Variants in TMPRSS15 observed in about 807,000 individuals in gnomAD.
TMPRSS15 encodes enteropeptidase.
Under a neutral mutation model 125.3 loss-of-function variants are expected in TMPRSS15, and 128 were observed. The observed-to-expected ratio is 1.02, with a 90% CI of 0.89 to 1.18. TMPRSS15 has a LOEUF of 1.18. Ranked by LOEUF, TMPRSS15 falls within the 50% of genes most tolerant of loss-of-function variation. The pLI is 0.00. For missense variants in TMPRSS15, 1,283 were observed against 1,212.7 expected (o/e 1.06, Z -0.86); for synonymous variants, 446 against 423.2 (o/e 1.05, Z -0.66).
intron 1 of TMPRSS15, among the ~76,000 whole-genome samples, chr21:18,461,110 A>G (rs1200884002): frequency 6.6e-6 from 1 of 152,118 alleles, no homozygotes; most frequent in East Asian, 1.9e-4. Context: ...ATCGACCATC[A>G]GGTTTCCTGA....
At chr21:18,474,678 G>T (rs942100489) in intron 1 of TMPRSS15, among the ~76,000 whole-genome samples, 1 of 152,192 alleles carries the variant, frequency 6.6e-6, no homozygotes, top group Non-Finnish European at 1.5e-5. Flanking sequence ...AAAGAAGCTA[G>T]TAAGAGCTAA....
At chr21:18,315,410 T>C (rs1434816265) in intron 16 of TMPRSS15, among the ~76,000 whole-genome samples, 154 bp from the exon 17 acceptor site, 1 of 142,888 alleles carries the variant, frequency 7.0e-6, no homozygotes. Flanking sequence ...AGTTAATGGG[T>C]GCAGCACACC....
chr21:18,430,843 T>C (rs2076215315), intron 1 of TMPRSS15, among the ~76,000 whole-genome samples: 1 of 152,218 alleles, frequency 6.6e-6, no homozygotes, highest in East Asian at 1.9e-4. Context: ...TGTGTAATAA[T>C]GTATGCAGCT....
rs1443299573 is a variant in TMPRSS15 at position 18,300,772 on chromosome 21, C to T, written c.2166-2943G>A. Among the ~76,000 whole-genome samples the T allele has an allele frequency of 2.0e-5, 3 of 150,066 alleles. No individual in the cohort carries two copies. In the Middle Eastern group the frequency reaches 9.5e-3, roughly 475 times the overall value. On this transcript the variant is annotated intron_variant, in intron 18 of 24. Coordinates refer to ENST00000284885, the MANE Select transcript of TMPRSS15 (RefSeq NM_002772.3). The stretch of plus-strand genomic sequence containing the variant: ...TTATGACACATCTACTTCTGGCATG[C>T]ATTTGGATAGGATTGACAGTGATTT...
chr21:18,352,779 T>TA, intron 10 of TMPRSS15, 124 bp downstream of exon 10: 1 of 1,021,728 alleles, frequency 9.8e-7, no homozygotes. Context: ...ATTGAATTTT[T>TA]AAAAAACCCA....
At position 18,356,482 on chromosome 21, in the gene TMPRSS15, T is replaced by C. The variant is rs139041692; in HGVS notation, c.881-2619A>G. 5.9e-3 allele frequency among the ~76,000 whole-genome samples: 896 copies of C among 151,822 alleles called. 13 individuals carry two copies. Among genetic ancestry groups the C allele is most frequent in the African/African-American group, 0.02 (836 of 41,496 alleles). ...TTTCCTCTATTAGAAGAATTTATATTGGTGAGTTATTAAAAATAACCATAA... is the reference window on the plus strand; with the variant it reads ...TTTCCTCTATTAGAAGAATTTATATCGGTGAGTTATTAAAAATAACCATAA... On this transcript the variant is annotated intron_variant, in intron 8 of 24. Transcript: ENST00000284885.
intron 9 of TMPRSS15, among the ~76,000 whole-genome samples, chr21:18,353,361 A>G (rs576332464): frequency 6.6e-6 from 1 of 151,756 alleles, no homozygotes; most frequent in East Asian, 1.9e-4. Context: ...TTTGTTCCAT[A>G]TTTTTCTCTC....
chr21:18,321,574 A>T (rs570249904), intron 16 of TMPRSS15, among the ~76,000 whole-genome samples: 1 of 151,976 alleles, frequency 6.6e-6, no homozygotes, highest in South Asian at 2.1e-4. Flanking sequence ...GGATGGTCTC[A>T]ATCTCCTGCC....
rs776497470 is a variant in TMPRSS15 at position 18,294,426 on chromosome 21, G to T, written c.2330C>A (p.Ala777Glu). The change falls in exon 21 of 25, where the codon GCA becomes GAA. Residue 777 changes from alanine (A) to glutamate (E), a missense_variant. Coordinates refer to ENST00000284885, the MANE Select transcript of TMPRSS15 (RefSeq NM_002772.3). ...CNHKSCGKKLAAQDITPKIVG... is the reference protein window; with the variant it reads ...CNHKSCGKKLEAQDITPKIVG... ...AATCTTTGGGGTGATGTCTTGAGCT[G>T]CCAGTTTTTTTCCACAAGCTATTAA... 3.1e-6 allele frequency: 5 copies of T among 1,614,128 alleles called. No homozygotes were observed. Among genetic ancestry groups the T allele is most frequent in the Non-Finnish European group, 4.2e-6 (5 of 1,180,064 alleles).
intron 18 of TMPRSS15, among the ~76,000 whole-genome samples, chr21:18,303,982 G>T (rs762614280): frequency 1.3e-5 from 2 of 152,196 alleles, no homozygotes; most frequent in Non-Finnish European, 2.9e-5. Flanking sequence ...GAGAAAGGAG[G>T]AATAATGTTT....
At chr21:18,373,228 C>A (rs2075810377) in intron 5 of TMPRSS15, among the ~76,000 whole-genome samples, 1 of 151,926 alleles carries the variant, frequency 6.6e-6, no homozygotes, top group East Asian at 1.9e-4. Flanking sequence ...TAAAAATGCC[C>A]ATGTCAATGA....
intron 23 of TMPRSS15, among the ~76,000 whole-genome samples, chr21:18,276,755 CT>C (rs372920414): frequency 2.6e-3 from 317 of 121,336 alleles, no homozygotes; most frequent in African/African-American, 5.9e-3. Flanking sequence ...AACTGGGATT[CT>C]TTTTTTTTTT....
At chr21:18,457,888 T>C (rs1978472743) in intron 1 of TMPRSS15, among the ~76,000 whole-genome samples, 1 of 152,194 alleles carries the variant, frequency 6.6e-6, no homozygotes, top group Non-Finnish European at 1.5e-5. Flanking sequence ...TAGATAACTT[T>C]TGAATAACCA....
intron 1 of TMPRSS15, among the ~76,000 whole-genome samples, chr21:18,453,666 A>AT: frequency 6.6e-6 from 1 of 152,364 alleles, no homozygotes; most frequent in Non-Finnish European, 1.5e-5. Context: ...ACCCAAAAGA[A>AT]TTGGAATTCA....
chr21:18,427,182 C>T (rs2824824), intron 1 of TMPRSS15, among the ~76,000 whole-genome samples: 46,891 of 152,128 alleles, frequency 0.31, 9,134 homozygotes, highest in Middle Eastern at 0.45. Context: ...CTCTCTCCTT[C>T]GCTAGCTCAT....
At chr21:18,474,694 C>A (rs1978844708) in intron 1 of TMPRSS15, among the ~76,000 whole-genome samples, 2 of 152,116 alleles carry the variant, frequency 1.3e-5, no homozygotes, top group African/African-American at 2.4e-5. Context: ...GCTAAATAGC[C>A]AAAAGCTGAG....
At chr21:18,475,275 T>G (rs1406621195) in intron 1 of TMPRSS15, among the ~76,000 whole-genome samples, 1 of 152,150 alleles carries the variant, frequency 6.6e-6, no homozygotes, top group Admixed American at 6.5e-5. Flanking sequence ...AAAAAAAGTC[T>G]ATCATTAGAA....
chr21:18,319,409 ATCT>A (rs72042094), intron 16 of TMPRSS15, among the ~76,000 whole-genome samples: 65,994 of 142,214 alleles, frequency 0.46, 15,600 homozygotes, highest in East Asian at 0.63. Context: ...GTAAAAAAAA[ATCT>A]TCTTCACCGA....
intron 13 of TMPRSS15, among the ~76,000 whole-genome samples, chr21:18,337,302 A>T (rs1239532732): frequency 6.6e-6 from 1 of 152,216 alleles, no homozygotes; most frequent in African/African-American, 2.4e-5. Flanking sequence ...ATTTAATACT[A>T]TAGCTAGGTG....
Sources: allele counts gnomAD v4.1 joint callset (sites outside exome capture counted in the v4.1 genomes callset), GRCh38; gene constraint gnomAD v4.1.1; transcripts MANE v1.5; gene names NCBI Gene and HGNC (gene_info 2026-07-23, HGNC 2026-07-21).